The following DNMT3A variants were observed in gnomAD, a reference collection of about 807,000 sequenced individuals.
The protein encoded by DNMT3A is DNA methyltransferase 3 alpha.
A neutral mutation model predicts 117.6 loss-of-function variants in DNMT3A; 267 were observed. That is an observed-to-expected ratio of 2.27 (90% CI 2.05 to 2.51). The LOEUF (loss-of-function observed/expected upper bound fraction) is 2.51. Ranked by LOEUF, DNMT3A falls within the 30% of genes most tolerant of loss-of-function variation. The pLI is 0.00. For synonymous variants in DNMT3A, 432 were observed against 474.8 expected (o/e 0.91, Z 1.17); for missense variants, 1,029 against 1,260.2 (o/e 0.82, Z 2.78).
intron 3 of DNMT3A, among the ~76,000 whole-genome samples, chr2:25,288,219 G>C (rs13009352): frequency 4.7e-5 from 7 of 149,484 alleles, no homozygotes; most frequent in African/African-American, 1.7e-4. Context: ...TGGATCATGA[G>C]GTCAGCAGAT....
intron 1 of DNMT3A, among the ~76,000 whole-genome samples, chr2:25,316,347 C>T (rs946407650): frequency 4.6e-5 from 7 of 152,198 alleles, no homozygotes; most frequent in African/African-American, 1.7e-4. Context: ...AAGGAAGATT[C>T]TCTTCCTCCT....
chr2:25,287,198 G>A (rs1195481072), intron 3 of DNMT3A, among the ~76,000 whole-genome samples: 5 of 152,058 alleles, frequency 3.3e-5, no homozygotes, highest in Non-Finnish European at 7.4e-5. Flanking sequence ...CATTATCTGG[G>A]AGAGGGCTGG....
At chr2:25,284,186 G>A (rs1290546498) in intron 3 of DNMT3A, among the ~76,000 whole-genome samples, 1 of 152,192 alleles carries the variant, frequency 6.6e-6, no homozygotes, top group Admixed American at 6.5e-5. Context: ...CCAGTAGAAA[G>A]GCAGGGACAG....
intron 3 of DNMT3A, among the ~76,000 whole-genome samples, chr2:25,291,644 T>G (rs1012087707): frequency 3.3e-5 from 5 of 152,292 alleles, no homozygotes; most frequent in African/African-American, 1.2e-4. Flanking sequence ...GGGCACCCCC[T>G]CCAGGTCCTA....
Position 25,273,959 on chromosome 2 carries a change from C to T in DNMT3A, c.639+982G>A, listed in dbSNP as rs142590515. 1.2e-4 allele frequency among the ~76,000 whole-genome samples: 19 copies of T among 152,316 alleles called. No individual in the cohort carries two copies. The East Asian group carries it at 3.5e-3, about 28-fold the overall frequency. ...TTTTCATGGACATGTTCTGAGACTT[C>T]GTCTCTCCTCCTTCTCCCCTTGCTG... On this transcript the variant is annotated intron_variant, in intron 6 of 22. Coordinates refer to ENST00000321117, the MANE Select transcript of DNMT3A (RefSeq NM_022552.5).
At position 25,246,734 on chromosome 2, in the gene DNMT3A, CG is replaced by C; in HGVS notation, c.1164del (p.His388GlnfsTer19). ...TTGGCAGTGTCACTCTCATCGCTGT[CG>C]TGGCACACCGGGAACAGCTTCCCCG... ...SRAGKLFPVCHDSDESDTAKA... is the reference protein window; with the variant it reads ...SRAGKLFPVCXDSDESDTAKA... On this transcript the variant is annotated frameshift_variant, in exon 10 of 23. Coordinates refer to ENST00000321117, the MANE Select transcript of DNMT3A (RefSeq NM_022552.5). LOFTEE classifies it high-confidence loss of function. 6.2e-7 allele frequency: 1 copy of C among 1,613,878 alleles called. No individual in the cohort carries two copies.
chr2:25,333,954 T>C (rs890576158), intron 1 of DNMT3A, among the ~76,000 whole-genome samples: 1 of 152,188 alleles, frequency 6.6e-6, no homozygotes, highest in Non-Finnish European at 1.5e-5. Flanking sequence ...CCCGAACGCC[T>C]TTTTTGCCCT....
rs915161522 is a variant in DNMT3A at position 25,228,551 on chromosome 2, G to A, written c.*5728C>T. 6.6e-6 allele frequency: 1 copy of A among 152,020 alleles called. No individual in the cohort carries two copies. Among genetic ancestry groups the A allele is most frequent in the African/African-American group, 2.4e-5 (1 of 41,390 alleles). The allele number at this position is 152,020 out of a possible 1,614,324, so 9.4% of individuals were successfully genotyped here. ...TGCCTCAGCTAAAACACATGAAATC[G>A]CTCATTTAGTTTTCAAGTACAAAGT... On this transcript the variant is annotated 3_prime_UTR_variant, in exon 23 of 23. Coordinates refer to ENST00000321117, the MANE Select transcript of DNMT3A (RefSeq NM_022552.5).
rs1236594876 is a variant in DNMT3A, at chr2:25,228,554, CATTT to C, written c.*5721_*5724del. 6.6e-6 allele frequency: 1 copy of C among 152,120 alleles called. No homozygotes were observed. The highest frequency in any genetic ancestry group is 1.5e-5 in the Non-Finnish European group (1 of 68,030). The allele number at this position is 152,120 out of a possible 1,614,324, so 9.4% of individuals were successfully genotyped here. On this transcript the variant is annotated 3_prime_UTR_variant, in exon 23 of 23. Transcript: ENST00000321117. ...CTCAGCTAAAACACATGAAATCGCT[CATTT>C]AGTTTTCAAGTACAAAGTTAAAATG... is the stretch of plus-strand genomic sequence containing the variant.
intron 6 of DNMT3A, chr2:25,251,845 C>A: frequency 5.4e-6 from 2 of 373,412 alleles, no homozygotes; most frequent in Non-Finnish European, 9.7e-6. Context: ...CATCTGCCAG[C>A]TCAGCTGAAG....
rs532072676 is a variant in DNMT3A, at chr2:25,257,463, C to T, written c.640-9211G>A. Among the ~76,000 whole-genome samples, 20 of 152,306 alleles carry T rather than the reference C, an allele frequency of 1.3e-4. No homozygotes were observed. Among genetic ancestry groups the T allele is most frequent in the Admixed American group, 1.3e-3 (20 of 15,312 alleles). The stretch of plus-strand genomic sequence containing the variant: ...GTTGTTATGGCAACATCCCCCCTTC[C>T]TGTCATTCTCTCTCTCCTGGCTTCT... On this transcript the variant is annotated intron_variant, in intron 6 of 22. Transcript: ENST00000321117. The surrounding 1 kb of genome is among the most constrained non-coding windows in gnomAD (Gnocchi z 4.8).
At chr2:25,255,417 A>G (rs929275583) in intron 6 of DNMT3A, among the ~76,000 whole-genome samples, 2 of 152,220 alleles carry the variant, frequency 1.3e-5, no homozygotes, top group African/African-American at 4.8e-5. Flanking sequence ...TTATAAAAGT[A>G]TGTTGAAAGG....
chr2:25,264,767 G>C (rs924900502), intron 6 of DNMT3A, among the ~76,000 whole-genome samples: 1 of 152,196 alleles, frequency 6.6e-6, no homozygotes, highest in Non-Finnish European at 1.5e-5. Context: ...CGGCCAAAAA[G>C]AGTTTTTATA....
chr2:25,244,013 G>T, intron 15 of DNMT3A, 31 bp from the exon 16 acceptor site: 1 of 1,549,036 alleles, frequency 6.5e-7, no homozygotes, highest in South Asian at 1.2e-5. Flanking sequence ...GTCAGATGCA[G>T]GCCCAGCGGT....
Position 25,246,788 on chromosome 2 carries a change from C to T in DNMT3A, c.1123-12G>A, listed in dbSNP as rs1296031712. On this transcript the variant is annotated splice_polypyrimidine_tract_variant and intron_variant, in intron 9 of 22. Coordinates refer to ENST00000321117, the MANE Select transcript of DNMT3A (RefSeq NM_022552.5). ...CGGCTGCTGGCCACCTGGAGGGTGACACGCCAGGGTTGGGGTTGTCAGGAC... is the reference window on the plus strand; with the variant it reads ...CGGCTGCTGGCCACCTGGAGGGTGATACGCCAGGGTTGGGGTTGTCAGGAC... The T allele has an allele frequency of 4.3e-6, 7 of 1,612,066 alleles. No individual in the cohort carries two copies. Among genetic ancestry groups the T allele is most frequent in the Non-Finnish European group, 5.1e-6 (6 of 1,179,690 alleles).
At chr2:25,335,791 A>G (rs988768307) in intron 1 of DNMT3A, among the ~76,000 whole-genome samples, 3 of 152,166 alleles carry the variant, frequency 2.0e-5, no homozygotes, top group Non-Finnish European at 4.4e-5. Flanking sequence ...TGACATTTGA[A>G]ACAGAAGCAG....
Position 25,252,498 on chromosome 2 carries a change from C to T in DNMT3A, c.640-4246G>A, listed in dbSNP as rs1472461362. On this transcript the variant is annotated intron_variant, in intron 6 of 22. Coordinates refer to ENST00000321117, the MANE Select transcript of DNMT3A (RefSeq NM_022552.5). This position sits in a 1 kb window ranked among gnomAD's most constrained non-coding sequence, Gnocchi z 5.5. Reference sequence around the variant, plus strand: ...TTCTCCGGTCCGAGGGGCGCGGGGCCGGGGGGCGAGGCCGTTCCCCGCCCG... The same window carrying T: ...TTCTCCGGTCCGAGGGGCGCGGGGCTGGGGGGCGAGGCCGTTCCCCGCCCG... Among the ~76,000 whole-genome samples, 1 of 151,742 alleles carries T rather than the reference C, an allele frequency of 6.6e-6. No individual in the cohort carries two copies. Among genetic ancestry groups the T allele is most frequent in the Non-Finnish European group, 1.5e-5 (1 of 67,886 alleles).
intron 6 of DNMT3A, among the ~76,000 whole-genome samples, chr2:25,268,233 C>T (rs1180906548): frequency 6.6e-6 from 1 of 152,192 alleles, no homozygotes; most frequent in Non-Finnish European, 1.5e-5. Context: ...AGGGTCCCTA[C>T]CTTCAGGTCG....
intron 15 of DNMT3A, 63 bp from the exon 16 acceptor site, chr2:25,244,045 C>A: frequency 6.4e-7 from 1 of 1,569,560 alleles, no homozygotes; most frequent in Admixed American, 1.8e-5. Context: ...CCACCCAGCG[C>A]TGGCCCTCCA....
Sources: gnomAD v4.1 joint callset for allele counts (sites outside exome capture counted in the v4.1 genomes callset) on GRCh38, gnomAD v4.1.1 for gene constraint, Gnocchi (gnomAD v3.1) non-coding constraint, MANE v1.5 for transcripts, NCBI Gene and HGNC (gene_info 2026-07-23, HGNC 2026-07-21) for gene names.